The following ZNF365 variants were observed in gnomAD, a reference collection of about 807,000 sequenced individuals.
The protein encoded by ZNF365 is zinc finger protein 365, also known as protein ZNF365.
A neutral mutation model predicts 35.0 loss-of-function variants in ZNF365; 22 were observed. The ratio of observed to expected loss-of-function variants is 0.63; its 90% CI spans 0.45 to 0.90. ZNF365 has a LOEUF of 0.90. Ranked by LOEUF, ZNF365 falls within the 40% of genes least tolerant of loss-of-function variation. ZNF365 has a pLI of 0.00. For synonymous variants in ZNF365, 188 were observed against 196.2 expected, an observed-to-expected ratio of 0.96 and a Z score of 0.35; for missense variants, 448 against 500.3, an observed-to-expected ratio of 0.90 and a Z score of 1.00.
chr10:62,454,016 G>A (rs917915938), intron 3 of ZNF365, among the ~76,000 whole-genome samples: 1 of 152,150 alleles, frequency 6.6e-6, no homozygotes, highest in Non-Finnish European at 1.5e-5. Context: ...TATTGGTAAA[G>A]TTTCTTAAAT....
At position 62,401,718 on chromosome 10, in the gene ZNF365, T is replaced by G; in HGVS notation, c.*1929T>G. On this transcript the variant is annotated 3_prime_UTR_variant, in exon 5 of 5. Coordinates refer to ENST00000395254, the MANE Select transcript of ZNF365 (RefSeq NM_014951.3). ...GACTTGTTAGTTGTATTGCATGCTCTTTGTCCTGTAATGTGTGTGCAATGA... is the reference window on the plus strand; with the variant it reads ...GACTTGTTAGTTGTATTGCATGCTCGTTGTCCTGTAATGTGTGTGCAATGA... 1 of 985,576 alleles carries G rather than the reference T, an allele frequency of 1.0e-6. No individual in the cohort carries two copies. The highest frequency in any genetic ancestry group is 1.2e-6 in the Non-Finnish European group (1 of 829,932). The allele number at this position is 985,576 out of a possible 1,614,324, so 61.1% of individuals were successfully genotyped here.
intron 3 of ZNF365, among the ~76,000 whole-genome samples, chr10:62,426,958 G>T (rs1312240117): frequency 2.6e-5 from 4 of 152,244 alleles, no homozygotes; most frequent in African/African-American, 9.6e-5. Context: ...TTTGTAAAAT[G>T]TCAAGACATC....
At chr10:62,474,960 T>C (rs1841103711) in intron 4 of ZNF365, among the ~76,000 whole-genome samples, 1 of 152,190 alleles carries the variant, frequency 6.6e-6, no homozygotes, top group Admixed American at 6.5e-5. Flanking sequence ...CCTACTTCTT[T>C]ACTTTATGAT....
chr10:62,400,634 G>C lies in ZNF365; in HGVS notation c.*845G>C. 2 of 985,776 alleles carry C rather than the reference G, an allele frequency of 2.0e-6. No homozygotes were observed. Among genetic ancestry groups the C allele is most frequent in the Non-Finnish European group, 2.4e-6 (2 of 829,978 alleles). The allele number at this position is 985,776 out of a possible 1,614,324, so 61.1% of individuals were successfully genotyped here. A position where few individuals can be genotyped will look rare whatever the true frequency, so the allele number is the denominator to read the frequency against. ...TGGTTGGAATGACAGTGGACTGCAC[G>C]CTTGGTGCATCGTGCATCGTGACCA... On this transcript the variant is annotated 3_prime_UTR_variant, in exon 5 of 5. Transcript: ENST00000395254.
chr10:62,450,259 C>T lies in ZNF365; in HGVS notation c.925-9482C>T, dbSNP rs374767568. Among the ~76,000 whole-genome samples the T allele has an allele frequency of 1.2e-4, 19 of 152,280 alleles. No individual in the cohort carries two copies. The East Asian group carries it at 2.7e-3, about 22-fold the overall frequency. Reference sequence around the variant, plus strand: ...ATAGCTAATAATGTTTAAGTGCTTGCTGTGTGCTAAGTACTGTGCAAAGCA... The same window carrying T: ...ATAGCTAATAATGTTTAAGTGCTTGTTGTGTGCTAAGTACTGTGCAAAGCA... On this transcript the variant is annotated intron_variant, in intron 3 of 4. Transcript: ENST00000395255.
rs1034833745 is a variant in ZNF365 at position 62,388,305 on chromosome 10, A to G, written c.744-91A>G. The G allele has an allele frequency of 7.6e-6, 11 of 1,452,794 alleles. No individual in the cohort carries two copies. The African/African-American group carries it at 1.3e-4, about 17-fold the overall frequency. 90.0% of individuals were successfully genotyped at this position (1,452,794 alleles called of 1,614,324 possible). ...GGAGTACTGCCTAGGGTGTTAACTG[A>G]CAAATAGTAGGCACTCAATAAATAT... On this transcript the variant is annotated intron_variant, in intron 2 of 4. Transcript: ENST00000395254.
At chr10:62,437,462 G>A (rs1422472232) in intron 3 of ZNF365, among the ~76,000 whole-genome samples, 3 of 152,164 alleles carry the variant, frequency 2.0e-5, no homozygotes, top group Admixed American at 6.5e-5. Context: ...AAGAGGCTTT[G>A]AGAATAAATA....
chr10:62,458,767 C>T (rs976784777), intron 3 of ZNF365, among the ~76,000 whole-genome samples: 7 of 152,008 alleles, frequency 4.6e-5, no homozygotes, highest in African/African-American at 7.3e-5. Flanking sequence ...AGAGATGATA[C>T]GATCTGTTAC....
intron 2 of ZNF365, among the ~76,000 whole-genome samples, chr10:62,380,860 GT>G (rs1398550429): frequency 6.6e-6 from 1 of 152,186 alleles, no homozygotes; most frequent in Non-Finnish European, 1.5e-5. Context: ...GGCTGAGTTG[GT>G]CCTGTGGGGT....
In ZNF365 at chr10:62,399,927, C is replaced by CA; in HGVS notation, c.*140dup. On this transcript the variant is annotated 3_prime_UTR_variant, in exon 5 of 5. Coordinates refer to ENST00000395254, the MANE Select transcript of ZNF365 (RefSeq NM_014951.3). ...AAGGGCATAACACAGGCAAGCACCT[C>CA]AATTAACCAGAGCTTAGCAAATGGG... The CA allele has an allele frequency of 7.1e-7, 1 of 1,408,976 alleles. No homozygotes were observed. Among genetic ancestry groups the CA allele is most frequent in the Non-Finnish European group, 9.3e-7 (1 of 1,079,014 alleles). 87.3% of individuals were successfully genotyped at this position (1,408,976 alleles called of 1,614,324 possible).
intron 3 of ZNF365, among the ~76,000 whole-genome samples, chr10:62,389,853 C>A (rs2132419510): frequency 6.6e-6 from 1 of 152,256 alleles, no homozygotes; most frequent in Non-Finnish European, 1.5e-5. Context: ...TCAAAGAAGT[C>A]TCATCCATGT....
chr10:62,402,451 T>C (rs1159055312), downstream of ZNF365: 9 of 985,118 alleles, frequency 9.1e-6, no homozygotes, highest in African/African-American at 1.7e-5. Flanking sequence ...TTCTGACTAA[T>C]GTGTTGATAT....
intron 4 of ZNF365, among the ~76,000 whole-genome samples, chr10:62,475,170 T>C (rs114400688): frequency 0.02 from 3,071 of 152,326 alleles, 89 homozygotes; most frequent in African/African-American, 0.065. Flanking sequence ...GTTACAAGTT[T>C]GTCATCATCA....
intron 4 of ZNF365, among the ~76,000 whole-genome samples, chr10:62,466,879 A>G (rs921507522): frequency 2.0e-5 from 3 of 152,062 alleles, no homozygotes; most frequent in African/African-American, 4.8e-5. Flanking sequence ...ACGGCTCACT[A>G]TAACTTTGAC....
intron 2 of ZNF365, among the ~76,000 whole-genome samples, chr10:62,386,233 C>T (rs867703271): frequency 1.3e-5 from 2 of 152,072 alleles, no homozygotes; most frequent in African/African-American, 2.4e-5. Context: ...AAGTGAATGA[C>T]GGTAGAGCTT....
In ZNF365 at chr10:62,442,989, C is replaced by T. The variant is rs558663791; in HGVS notation, c.925-16752C>T. 2.6e-5 allele frequency among the ~76,000 whole-genome samples: 4 copies of T among 152,280 alleles called. No individual in the cohort carries two copies. The East Asian group carries it at 7.7e-4, about 29-fold the overall frequency. The stretch of plus-strand genomic sequence containing the variant: ...AAACAGAACAGATTCAATTGTCCGT[C>T]GCATACAGGGATGCACTCAACAGTG... On this transcript the variant is annotated intron_variant, in intron 3 of 4. Coordinates refer to the ZNF365 transcript ENST00000395255.
chr10:62,473,798 G>T (rs143577981), intron 4 of ZNF365, among the ~76,000 whole-genome samples: 1 of 152,212 alleles, frequency 6.6e-6, no homozygotes, highest in Non-Finnish European at 1.5e-5. Flanking sequence ...ACAAAGAGGA[G>T]CTCAAATAAT....
At chr10:62,473,250 A>G (rs1841073607) in intron 4 of ZNF365, among the ~76,000 whole-genome samples, 1 of 152,224 alleles carries the variant, frequency 6.6e-6, no homozygotes, top group African/African-American at 2.4e-5. Flanking sequence ...TTGTGGGTCG[A>G]GTGGGACCTG....
chr10:62,413,761 C>T (rs372751416), intron 3 of ZNF365, among the ~76,000 whole-genome samples: 11 of 152,268 alleles, frequency 7.2e-5, no homozygotes, highest in South Asian at 2.1e-4. Context: ...GCATTCACCA[C>T]GAGAAGCAGA....
Sources: gnomAD v4.1 joint callset for allele counts (sites outside exome capture counted in the v4.1 genomes callset) on GRCh38, gnomAD v4.1.1 for gene constraint, MANE v1.5 for transcripts, NCBI Gene and HGNC (gene_info 2026-07-23, HGNC 2026-07-21) for gene names.